The following SGCZ variants were observed in gnomAD, a reference collection of about 807,000 sequenced individuals.
The protein encoded by SGCZ is sarcoglycan zeta.
Under a neutral mutation model 41.3 loss-of-function variants are expected in SGCZ, and 40 were observed. The ratio of observed to expected loss-of-function variants is 0.97; its 90% CI spans 0.75 to 1.26. SGCZ has a LOEUF of 1.26. SGCZ is among the 50% of genes most tolerant of loss of function. The probability of loss-of-function intolerance (pLI) is 0.00; values close to 1 mark genes in which losing one functional copy is unlikely to be tolerated. For missense variants in SGCZ, 552 were observed against 369.8 expected (o/e 1.49, Z -4.04); for synonymous variants, 206 against 137.5 (o/e 1.50, Z -3.49).
intron 1 of SGCZ, among the ~76,000 whole-genome samples, chr8:15,051,469 G>T (rs1250452729): frequency 6.6e-6 from 1 of 151,910 alleles, no homozygotes; most frequent in Non-Finnish European, 1.5e-5. Flanking sequence ...ATGATGCTGT[G>T]AGCTTTTCTC....
chr8:14,121,811 C>T (rs1802704863), intron 5 of SGCZ, among the ~76,000 whole-genome samples: 1 of 152,142 alleles, frequency 6.6e-6, no homozygotes, highest in African/African-American at 2.4e-5. Flanking sequence ...TTTTTGAAAT[C>T]TTAATTTTCT....
chr8:14,170,682 A>G (rs1160977066), intron 4 of SGCZ, among the ~76,000 whole-genome samples: 1 of 152,180 alleles, frequency 6.6e-6, no homozygotes, highest in Non-Finnish European at 1.5e-5. Context: ...CAAACATAAA[A>G]TGGCAATATT....
intron 2 of SGCZ, among the ~76,000 whole-genome samples, chr8:14,500,831 G>C (rs961308651): frequency 7.2e-5 from 11 of 151,768 alleles, no homozygotes; most frequent in African/African-American, 2.7e-4. Context: ...AGTTTTTCTG[G>C]TTTTCATATG....
At chr8:14,237,290 G>A (rs993185295) in intron 4 of SGCZ, among the ~76,000 whole-genome samples, 2 of 152,154 alleles carry the variant, frequency 1.3e-5, no homozygotes, top group South Asian at 2.1e-4. Context: ...CCTATGACAA[G>A]TCAAATCATG....
chr8:14,352,451 A>T (rs1803134522), intron 2 of SGCZ, among the ~76,000 whole-genome samples: 1 of 152,126 alleles, frequency 6.6e-6, no homozygotes, highest in South Asian at 2.1e-4. Flanking sequence ...TATAAAAGCC[A>T]AGAAAATTTG....
At chr8:14,584,921 T>C (rs559357984) in intron 1 of SGCZ, among the ~76,000 whole-genome samples, 6 of 152,092 alleles carry the variant, frequency 3.9e-5, no homozygotes, top group African/African-American at 7.2e-5. Flanking sequence ...AGTCATTTGT[T>C]AAATAAATCT....
At chr8:14,231,196 T>TGTGTGTGTGA (rs1554483289) in intron 4 of SGCZ, among the ~76,000 whole-genome samples, 1 of 101,352 alleles carries the variant, frequency 9.9e-6, no homozygotes, top group Non-Finnish European at 2.2e-5. Context: ...TGTGTGTGTG[T>TGTGTGTGTGA]AGTGGGGAGA....
intron 1 of SGCZ, among the ~76,000 whole-genome samples, chr8:15,184,957 G>C (rs1231762832): frequency 6.6e-6 from 1 of 152,096 alleles, no homozygotes; most frequent in Non-Finnish European, 1.5e-5. Context: ...TGTAACTGGG[G>C]AGTCTCTAGG....
At chr8:14,468,533 CA>C (rs1474236873) in intron 2 of SGCZ, among the ~76,000 whole-genome samples, 1 of 152,012 alleles carries the variant, frequency 6.6e-6, no homozygotes, top group Non-Finnish European at 1.5e-5. Context: ...ATCTTGAGAG[CA>C]AAGGTGGTGC....
At chr8:14,578,532 G>A (rs948016073) in intron 1 of SGCZ, among the ~76,000 whole-genome samples, 4 of 152,092 alleles carry the variant, frequency 2.6e-5, no homozygotes, top group African/African-American at 9.7e-5. Flanking sequence ...ATATATTATT[G>A]TCCCACTCAA....
intron 3 of SGCZ, among the ~76,000 whole-genome samples, chr8:14,284,639 G>A (rs6983614): frequency 0.51 from 77,696 of 151,866 alleles, 20,344 homozygotes; most frequent in African/African-American, 0.56. Flanking sequence ...GTTTAAGCCT[G>A]TCTTCTTACT....
rs1032701317 is a variant in SGCZ, at chr8:14,868,271, G to C, written c.40-313345C>G. 2.6e-5 allele frequency among the ~76,000 whole-genome samples: 4 copies of C among 152,278 alleles called. No individual in the cohort carries two copies. The East Asian group carries it at 5.8e-4, about 22-fold the overall frequency. The stretch of plus-strand genomic sequence containing the variant: ...ACTCGGTGACCTCCCTCCTTGGTAA[G>C]CTCTGCTCAAATCTTGCATCTTCTG... On this transcript the variant is annotated intron_variant, in intron 1 of 7. Coordinates refer to ENST00000382080, the MANE Select transcript of SGCZ (RefSeq NM_139167.4).
At chr8:14,170,402 G>A (rs10100006) in intron 4 of SGCZ, among the ~76,000 whole-genome samples, 1 of 151,868 alleles carries the variant, frequency 6.6e-6, no homozygotes, top group East Asian at 1.9e-4. Context: ...TGTATTCTTA[G>A]ATCTTTTTAT....
At chr8:14,234,998 A>G (rs1407573384) in intron 4 of SGCZ, among the ~76,000 whole-genome samples, 1 of 152,190 alleles carries the variant, frequency 6.6e-6, no homozygotes, top group Non-Finnish European at 1.5e-5. Flanking sequence ...AAGTGATACC[A>G]ATAATTACAC....
intron 4 of SGCZ, among the ~76,000 whole-genome samples, chr8:14,193,659 T>A (rs1287175801): frequency 6.6e-6 from 1 of 152,050 alleles, no homozygotes; most frequent in Admixed American, 6.5e-5. Context: ...GTTACACAAG[T>A]TTATGTCTAA....
At chr8:14,994,185 C>G (rs1157989482) in intron 1 of SGCZ, among the ~76,000 whole-genome samples, 1 of 152,206 alleles carries the variant, frequency 6.6e-6, no homozygotes, top group Non-Finnish European at 1.5e-5. Context: ...ATTCTCTGAT[C>G]TCCCCACATT....
intron 4 of SGCZ, among the ~76,000 whole-genome samples, chr8:14,166,445 A>C (rs1033003443): frequency 2.6e-5 from 4 of 152,124 alleles, no homozygotes; most frequent in Non-Finnish European, 4.4e-5. Flanking sequence ...TGTTCAAAAA[A>C]CTGTGCCAGA....
intron 1 of SGCZ, among the ~76,000 whole-genome samples, chr8:15,027,426 A>G (rs1261253921): frequency 6.6e-6 from 1 of 152,092 alleles, no homozygotes; most frequent in Non-Finnish European, 1.5e-5. Context: ...TTGTGAGAAT[A>G]TACCATATCC....
chr8:14,643,437 T>G (rs1385759613), intron 1 of SGCZ, among the ~76,000 whole-genome samples: 1 of 151,624 alleles, frequency 6.6e-6, no homozygotes, highest in Non-Finnish European at 1.5e-5. Context: ...ATTATTTTGT[T>G]CCTAAAATTG....
Sources: allele counts gnomAD v4.1 joint callset (sites outside exome capture counted in the v4.1 genomes callset), GRCh38; gene constraint gnomAD v4.1.1; transcripts MANE v1.5; gene names NCBI Gene and HGNC (gene_info 2026-07-23, HGNC 2026-07-21).